The following ALK variants were observed in gnomAD, a reference collection of about 807,000 sequenced individuals.
The protein encoded by ALK is ALK receptor tyrosine kinase, also known as ALK tyrosine kinase receptor.
ALK carries 74 observed loss-of-function variants against 163.1 expected under a neutral mutation model. The ratio of observed to expected loss-of-function variants is 0.45; its 90% CI spans 0.38 to 0.55. The LOEUF is 0.55. ALK is among the 20% of genes least tolerant of loss of function. The probability of loss-of-function intolerance (pLI) is 0.00; values close to 1 mark genes in which losing one functional copy is unlikely to be tolerated. For synonymous variants in ALK, 960 were observed against 843.2 expected (o/e 1.14, Z -2.40); for missense variants, 2,063 against 2,105.3 (o/e 0.98, Z 0.39).
chr2:29,637,648 G>T (rs1332251746), intron 3 of ALK, among the ~76,000 whole-genome samples: 1 of 145,984 alleles, frequency 6.9e-6, no homozygotes, highest in Non-Finnish European at 1.5e-5. Context: ...GGTGGAGGTT[G>T]CAGTGAGCCG....
intron 3 of ALK, among the ~76,000 whole-genome samples, chr2:29,627,770 A>G (rs1306845178): frequency 6.6e-6 from 1 of 152,240 alleles, no homozygotes; most frequent in Admixed American, 6.5e-5. Context: ...TAAGTGTTAA[A>G]CAATTCATCT....
intron 3 of ALK, among the ~76,000 whole-genome samples, chr2:29,651,468 A>G (rs796832649): frequency 5.3e-5 from 8 of 152,272 alleles, no homozygotes; most frequent in African/African-American, 1.9e-4. Flanking sequence ...TCAGACCCTT[A>G]ATGCATTGGT....
chr2:29,446,757 A>C (rs1670695310), intron 4 of ALK, among the ~76,000 whole-genome samples: 1 of 152,240 alleles, frequency 6.6e-6, no homozygotes, highest in African/African-American at 2.4e-5. Flanking sequence ...AATAGTGTGC[A>C]AATAGTGTCC....
intron 1 of ALK, among the ~76,000 whole-genome samples, chr2:29,772,247 A>G (rs563460006): frequency 8.5e-5 from 13 of 152,360 alleles, no homozygotes; most frequent in African/African-American, 3.1e-4. Context: ...AAGCTAATAT[A>G]AAAGGACATA....
Position 29,193,664 on chromosome 2 carries a change from G to GT in ALK, c.4422dup (p.His1475ThrfsTer46). 6.2e-7 allele frequency: 1 copy of GT among 1,614,140 alleles called. No individual in the cohort carries two copies. Among genetic ancestry groups the GT allele is most frequent in the Non-Finnish European group, 8.5e-7 (1 of 1,179,970 alleles). On this transcript the variant is annotated frameshift_variant, in exon 29 of 29. Transcript: ENST00000389048. LOFTEE classifies it low-confidence loss of function (END_TRUNC). ...GACTGAGAGAATGCCATATTCACGT[G>GT]TCCCCCTTCCACGGCCGGCCCTCTA...
At chr2:29,914,554 A>T (rs1392048399) in intron 1 of ALK, among the ~76,000 whole-genome samples, 2 of 152,266 alleles carry the variant, frequency 1.3e-5, no homozygotes, top group Non-Finnish European at 2.9e-5. Context: ...TGCATCAGGC[A>T]TTGGGTTAAG....
At chr2:29,372,577 T>A (rs528476170) in intron 5 of ALK, among the ~76,000 whole-genome samples, 11 of 152,294 alleles carry the variant, frequency 7.2e-5, no homozygotes, top group African/African-American at 2.6e-4. Flanking sequence ...GCACACAGTA[T>A]CCCATTTAAT....
intron 1 of ALK, among the ~76,000 whole-genome samples, chr2:29,774,928 G>T (rs1681130147): frequency 6.6e-6 from 1 of 152,174 alleles, no homozygotes; most frequent in African/African-American, 2.4e-5. Context: ...TCGGGGATGG[G>T]TTAATGTAAA....
intron 3 of ALK, among the ~76,000 whole-genome samples, chr2:29,621,453 T>C (rs1676035330): frequency 6.6e-6 from 1 of 152,182 alleles, no homozygotes; most frequent in Non-Finnish European, 1.5e-5. Flanking sequence ...GACCAGCTTT[T>C]AGGAAAAGCT....
chr2:29,595,062 A>G (rs551818606), intron 3 of ALK, among the ~76,000 whole-genome samples: 1 of 152,314 alleles, frequency 6.6e-6, no homozygotes, highest in South Asian at 2.1e-4. Flanking sequence ...TCTGAATGAA[A>G]AGTGAAAATC....
chr2:29,634,638 TC>T (rs889019604), intron 3 of ALK, among the ~76,000 whole-genome samples: 2 of 152,148 alleles, frequency 1.3e-5, no homozygotes, highest in African/African-American at 4.8e-5. Flanking sequence ...ACTTGATAAA[TC>T]TACAAATTAA....
chr2:29,778,285 C>T (rs1411729515), intron 1 of ALK, among the ~76,000 whole-genome samples: 1 of 152,180 alleles, frequency 6.6e-6, no homozygotes, highest in Admixed American at 6.5e-5. Context: ...GATTTAACCT[C>T]CCTTCAGCAT....
intron 1 of ALK, among the ~76,000 whole-genome samples, chr2:29,856,838 A>C (rs1666152156): frequency 6.6e-6 from 1 of 152,182 alleles, no homozygotes; most frequent in South Asian, 2.1e-4. Flanking sequence ...TAACAAATGA[A>C]GTTCCTGAGT....
chr2:29,590,271 G>A (rs79580267), intron 3 of ALK, among the ~76,000 whole-genome samples: 2,212 of 152,188 alleles, frequency 0.015, 49 homozygotes, highest in African/African-American at 0.051. Flanking sequence ...GATTGAAAAC[G>A]GGTCACTAAT....
At chr2:29,742,001 C>T (rs1015515298) in intron 1 of ALK, among the ~76,000 whole-genome samples, 4 of 152,246 alleles carry the variant, frequency 2.6e-5, no homozygotes, top group Non-Finnish European at 2.9e-5. Context: ...CTCTGCCTCC[C>T]ACATCAGTGA....
intron 4 of ALK, among the ~76,000 whole-genome samples, chr2:29,466,628 G>C (rs1671220719): frequency 3.9e-5 from 6 of 152,200 alleles, no homozygotes; most frequent in Admixed American, 3.9e-4. Flanking sequence ...GCTTGGCCTT[G>C]AGGGTTTGAG....
intron 1 of ALK, among the ~76,000 whole-genome samples, chr2:29,780,028 T>C (rs759907898): frequency 1.3e-4 from 20 of 152,226 alleles, no homozygotes; most frequent in Admixed American, 5.9e-4. Context: ...ACCAGCATCA[T>C]TGTGGACCAA....
intron 4 of ALK, among the ~76,000 whole-genome samples, chr2:29,398,881 A>T (rs1246696897): frequency 1.3e-5 from 2 of 152,154 alleles, no homozygotes; most frequent in African/African-American, 4.8e-5. Context: ...TGAGCCTCTG[A>T]TTCAAAGCGC....
At chr2:29,808,010 C>T (rs1664663987) in intron 1 of ALK, among the ~76,000 whole-genome samples, 1 of 152,160 alleles carries the variant, frequency 6.6e-6, no homozygotes. Flanking sequence ...GGCTTAGAGA[C>T]TTTGATTTGG....
Sources: gnomAD v4.1 joint callset for allele counts (sites outside exome capture counted in the v4.1 genomes callset) on GRCh38, gnomAD v4.1.1 for gene constraint, MANE v1.5 for transcripts, NCBI Gene and HGNC (gene_info 2026-07-23, HGNC 2026-07-21) for gene names.